The following RBM46 variants were observed in gnomAD, a reference collection of about 807,000 sequenced individuals.
The protein encoded by RBM46 is RNA binding motif protein 46.
A neutral mutation model predicts 43.3 loss-of-function variants in RBM46; 12 were observed. The ratio of observed to expected loss-of-function variants is 0.28; its 90% CI spans 0.18 to 0.45. RBM46 has a LOEUF of 0.45. RBM46 is among the 20% of genes least tolerant of loss of function. The pLI is 1.00. For missense variants in RBM46, 412 were observed against 639.1 expected, an observed-to-expected ratio of 0.64 and a Z score of 3.83; for synonymous variants, 205 against 207.6, an observed-to-expected ratio of 0.99 and a Z score of 0.11.
chr4:154,818,889 T>A (rs550031720), intron 4 of RBM46, among the ~76,000 whole-genome samples: 1 of 152,208 alleles, frequency 6.6e-6, no homozygotes, highest in Non-Finnish European at 1.5e-5. Flanking sequence ...TTCTCAGTTC[T>A]AGAATTAAAT....
chr4:154,802,285 C>T (rs1200303677), intron 4 of RBM46, among the ~76,000 whole-genome samples: 2 of 152,100 alleles, frequency 1.3e-5, no homozygotes, highest in African/African-American at 4.8e-5. Context: ...AGCCAGAGAT[C>T]AGGGGTCTAG....
At chr4:154,801,403 G>A (rs1316149471) in intron 4 of RBM46, among the ~76,000 whole-genome samples, 2 of 152,062 alleles carry the variant, frequency 1.3e-5, no homozygotes, top group Non-Finnish European at 2.9e-5. Flanking sequence ...TAAATTCTTA[G>A]TTCTTATTTC....
At chr4:154,782,118 C>T (rs1309066061) in intron 1 of RBM46, among the ~76,000 whole-genome samples, 1 of 152,200 alleles carries the variant, frequency 6.6e-6, no homozygotes, top group African/African-American at 2.4e-5. Context: ...CGCGGGTGCA[C>T]AGGGAAGATA....
chr4:154,782,963 G>T (rs1733573752), intron 1 of RBM46, among the ~76,000 whole-genome samples: 1 of 152,164 alleles, frequency 6.6e-6, no homozygotes, highest in African/African-American at 2.4e-5. Flanking sequence ...GAATCACCAC[G>T]ATGTATATAC....
chr4:154,796,565 A>G (rs1734362778), intron 1 of RBM46, among the ~76,000 whole-genome samples, 177 bp from the exon 2 acceptor site: 1 of 152,198 alleles, frequency 6.6e-6, no homozygotes, highest in South Asian at 2.1e-4. Flanking sequence ...ACATTGAAAG[A>G]AGTTTCCAAG....
intron 1 of RBM46, among the ~76,000 whole-genome samples, chr4:154,794,243 CTA>C (rs1355904336): frequency 2.9e-5 from 4 of 140,022 alleles, no homozygotes; most frequent in Non-Finnish European, 4.5e-5. Flanking sequence ...TGCAGTGGTG[CTA>C]TCTCTGCTCA....
At chr4:154,826,594 G>C (rs1355322006) in intron 4 of RBM46, among the ~76,000 whole-genome samples, 1 of 152,034 alleles carries the variant, frequency 6.6e-6, no homozygotes, top group African/African-American at 2.4e-5. Context: ...TTTGGAACTG[G>C]TTACTTTAAA....
chr4:154,812,127 A>G (rs1735210529), intron 4 of RBM46, among the ~76,000 whole-genome samples: 1 of 151,748 alleles, frequency 6.6e-6, no homozygotes, highest in African/African-American at 2.4e-5. Flanking sequence ...GTAAATTCAC[A>G]TGATTCCAAT....
At position 154,798,784 on chromosome 4, in the gene RBM46, A is replaced by G; in HGVS notation, c.622A>G (p.Thr208Ala). The G allele has an allele frequency of 2.0e-6, 3 of 1,466,082 alleles. No individual in the cohort carries two copies. Among genetic ancestry groups the G allele is most frequent in the Admixed American group, 2.8e-5 (1 of 35,402 alleles). The allele number at this position is 1,466,082 out of a possible 1,614,324, so 90.8% of individuals were successfully genotyped here. The change falls in exon 4 of 5, where the codon ACA becomes GCA. Residue 208 changes from threonine (T) to alanine (A), a missense_variant and splice_region_variant. This residue lies in a region of RBM46 where 54 missense variants were observed against 102.5 expected (regional missense o/e 0.53). Transcript: ENST00000281722. ...AMARRKLIPGTFQLWGHTIQV... is the reference protein window; with the variant it reads ...AMARRKLIPGAFQLWGHTIQV... ...AAATTATTATTTTTTTTTTACAGGA[A>G]CATTCCAACTATGGGGCCACACCAT...
Position 154,827,919 on chromosome 4 carries a change from C to T in RBM46, c.1454C>T (p.Thr485Ile), listed in dbSNP as rs766510634. Residue 485 changes from threonine to isoleucine, a missense_variant, in exon 5 of 5, where the codon ACC becomes ATC. By Grantham distance (89) the Thr-to-Ile change is moderately conservative. Around this residue, in one of 8 missense-constraint regions of RBM46, gnomAD observed 149 missense variants for 156.3 expected, o/e 0.95. Coordinates refer to ENST00000281722, the MANE Select transcript of RBM46 (RefSeq NM_144979.5). ...AATAGTCTTTCCCCTGTTAGTGCTA[C>T]CCTCTCTTCTGGGACTCCCAGCGTG... ...SINSLSPVSA[T>I]LSSGTPSVLP... The T allele has an allele frequency of 6.2e-7, 1 of 1,613,940 alleles. No homozygotes were observed. Among genetic ancestry groups the T allele is most frequent in the South Asian group, 1.1e-5 (1 of 91,080 alleles).
At chr4:154,816,181 A>AT (rs1735434476) in intron 4 of RBM46, among the ~76,000 whole-genome samples, 2 of 151,824 alleles carry the variant, frequency 1.3e-5, no homozygotes, top group South Asian at 4.2e-4. Flanking sequence ...TTTCTCACTT[A>AT]TTTTTTCTTC....
chr4:154,799,834 A>G (rs1449565416), intron 4 of RBM46, among the ~76,000 whole-genome samples: 1 of 141,012 alleles, frequency 7.1e-6, no homozygotes, highest in African/African-American at 2.7e-5. Context: ...ATCTTGGCTC[A>G]TTGCAACCTG....
At chr4:154,796,336 C>A (rs1734349747) in intron 1 of RBM46, among the ~76,000 whole-genome samples, 1 of 152,084 alleles carries the variant, frequency 6.6e-6, no homozygotes, top group African/African-American at 2.4e-5. Context: ...CAGGAAAATC[C>A]AGTTGGCTTA....
At position 154,827,903 on chromosome 4, in the gene RBM46, TC is replaced by T; in HGVS notation, c.1442del (p.Pro481LeufsTer68). The part of the protein sequence containing the change: ...NFHRSSINSL[S>X]PVSATLSSGT... Reference sequence around the variant, plus strand: ...CCATCGCAGCTCAATAAATAGTCTTTCCCCTGTTAGTGCTACCCTCTCTTCT... The same window carrying T: ...CCATCGCAGCTCAATAAATAGTCTTTCCCTGTTAGTGCTACCCTCTCTTCT... On this transcript the variant is annotated frameshift_variant, in exon 5 of 5. Transcript: ENST00000281722. LOFTEE classifies it high-confidence loss of function. 6.2e-7 allele frequency: 1 copy of T among 1,613,910 alleles called. No homozygotes were observed. The highest frequency in any genetic ancestry group is 8.5e-7 in the Non-Finnish European group (1 of 1,179,822).
At chr4:154,827,782 T>A in intron 4 of RBM46, 86 bp from the exon 5 acceptor site, 1 of 1,583,528 alleles carries the variant, frequency 6.3e-7, no homozygotes, top group Non-Finnish European at 8.6e-7. Flanking sequence ...TGTTAAAATG[T>A]GATTATTGTT....
At chr4:154,814,130 C>T (rs547888984) in intron 4 of RBM46, among the ~76,000 whole-genome samples, 70 of 151,870 alleles carry the variant, frequency 4.6e-4, no homozygotes, top group African/African-American at 1.6e-3. Context: ...TTATTTTGGC[C>T]CTTATTCCTG....
At chr4:154,789,072 T>G (rs910733389) in intron 1 of RBM46, among the ~76,000 whole-genome samples, 1 of 152,230 alleles carries the variant, frequency 6.6e-6, no homozygotes, top group Non-Finnish European at 1.5e-5. Flanking sequence ...AAGGAGATTT[T>G]GGGCTGAGAC....
At chr4:154,782,663 A>T (rs914895405) in intron 1 of RBM46, among the ~76,000 whole-genome samples, 18 of 152,008 alleles carry the variant, frequency 1.2e-4, no homozygotes, top group African/African-American at 3.9e-4. Flanking sequence ...TTTTTGTATT[A>T]GTAGAGACAG....
chr4:154,805,629 C>T (rs1430034918), intron 4 of RBM46, among the ~76,000 whole-genome samples: 1 of 151,798 alleles, frequency 6.6e-6, no homozygotes, highest in Non-Finnish European at 1.5e-5. Context: ...AAGTTTTAAT[C>T]TGAAAAATAT....
Sources: gnomAD v4.1 joint callset for allele counts (sites outside exome capture counted in the v4.1 genomes callset) on GRCh38, gnomAD v4.1.1 for gene constraint, gnomAD v4.1.1 regional missense constraint, MANE v1.5 for transcripts, NCBI Gene and HGNC (gene_info 2026-07-23, HGNC 2026-07-21) for gene names.